The following MDGA2 variants were observed in gnomAD, a reference collection of about 807,000 sequenced individuals.
MDGA2 encodes the protein MAM domain-containing glycosylphosphatidylinositol anchor protein 2.
MDGA2 carries 40 observed loss-of-function variants against 117.8 expected under a neutral mutation model. The ratio of observed to expected loss-of-function variants is 0.34; its 90% CI spans 0.26 to 0.44. The LOEUF (loss-of-function observed/expected upper bound fraction) is 0.44. Among genes scored for constraint, MDGA2 ranks in the 20% least tolerant of loss-of-function variants. The pLI, the probability that MDGA2 is intolerant of heterozygous loss-of-function variation, is 1.00. For missense variants in MDGA2, 1,123 were observed against 1,250.6 expected (o/e 0.90, Z 1.54); for synonymous variants, 452 against 439.0 (o/e 1.03, Z -0.37).
intron 1 of MDGA2, among the ~76,000 whole-genome samples, chr14:47,397,738 T>C (rs1440787665): frequency 1.3e-5 from 2 of 152,164 alleles, no homozygotes; most frequent in Non-Finnish European, 2.9e-5. Context: ...TATAAATACA[T>C]GTAAACACAC....
At chr14:47,340,142 C>T (rs935284648) in intron 1 of MDGA2, among the ~76,000 whole-genome samples, 1 of 152,046 alleles carries the variant, frequency 6.6e-6, no homozygotes, top group Non-Finnish European at 1.5e-5. Flanking sequence ...CTTCCAGAGA[C>T]AATCTTGATA....
chr14:47,392,728 T>C (rs1891924733), intron 1 of MDGA2, among the ~76,000 whole-genome samples: 1 of 152,082 alleles, frequency 6.6e-6, no homozygotes. Flanking sequence ...TTACACTTGC[T>C]GTCCAGAGGT....
chr14:46,962,029 A>T (rs1885832208), intron 8 of MDGA2, among the ~76,000 whole-genome samples: 1 of 152,106 alleles, frequency 6.6e-6, no homozygotes, highest in Non-Finnish European at 1.5e-5. Flanking sequence ...TTCTTGATTA[A>T]TTTTGATCAA....
At chr14:46,944,521 A>G (rs1328893833) in intron 9 of MDGA2, among the ~76,000 whole-genome samples, 2 of 151,974 alleles carry the variant, frequency 1.3e-5, no homozygotes, top group South Asian at 4.1e-4. Context: ...GGAAAATTTC[A>G]GCCATTTTTT....
chr14:47,267,635 G>C (rs1348627266), intron 2 of MDGA2, among the ~76,000 whole-genome samples: 1 of 151,954 alleles, frequency 6.6e-6, no homozygotes, highest in Non-Finnish European at 1.5e-5. Context: ...CTGTTTTATA[G>C]GTTACTTCTA....
At chr14:47,589,153 T>C (rs946332882) in intron 1 of MDGA2, among the ~76,000 whole-genome samples, 1 of 152,004 alleles carries the variant, frequency 6.6e-6, no homozygotes, top group African/African-American at 2.4e-5. Context: ...GCTTTGAAGA[T>C]TCAAATGTCG....
chr14:47,300,392 A>G (rs1889236020), intron 2 of MDGA2, among the ~76,000 whole-genome samples: 1 of 152,240 alleles, frequency 6.6e-6, no homozygotes. Context: ...AATATTCTGC[A>G]TCTAAATTAG....
chr14:46,955,861 C>T (rs1325912656), intron 9 of MDGA2, among the ~76,000 whole-genome samples: 1 of 151,374 alleles, frequency 6.6e-6, no homozygotes. Context: ...ACAGCATTAT[C>T]TTGAAAGATT....
At chr14:47,396,511 T>G (rs900711740) in intron 1 of MDGA2, among the ~76,000 whole-genome samples, 1 of 152,210 alleles carries the variant, frequency 6.6e-6, no homozygotes, top group South Asian at 2.1e-4. Context: ...ACTGAAGAGC[T>G]TCTGCACAAC....
intron 3 of MDGA2, among the ~76,000 whole-genome samples, chr14:47,212,106 A>C (rs1297109918): frequency 2.0e-5 from 3 of 152,184 alleles, no homozygotes; most frequent in African/African-American, 7.2e-5. Flanking sequence ...AGAAAATTGT[A>C]GTGGAAATTA....
chr14:46,984,055 CA>C (rs1180681216), intron 8 of MDGA2, among the ~76,000 whole-genome samples: 1 of 151,926 alleles, frequency 6.6e-6, no homozygotes, highest in East Asian at 1.9e-4. Flanking sequence ...AAAGATACGT[CA>C]AATATTTTAC....
chr14:47,099,424 A>G (rs1483232285), intron 5 of MDGA2, among the ~76,000 whole-genome samples: 1 of 152,010 alleles, frequency 6.6e-6, no homozygotes, highest in Non-Finnish European at 1.5e-5. Context: ...AAAATATTTT[A>G]AGGAAAATAT....
intron 1 of MDGA2, among the ~76,000 whole-genome samples, chr14:47,450,077 TTAAC>T (rs1209626115): frequency 2.0e-5 from 3 of 152,118 alleles, no homozygotes; most frequent in African/African-American, 7.2e-5. Flanking sequence ...TTCATTATAA[TTAAC>T]TAACACATGC....
chr14:47,575,021 A>C (rs1053290884), intron 1 of MDGA2, among the ~76,000 whole-genome samples: 7 of 152,152 alleles, frequency 4.6e-5, no homozygotes, highest in African/African-American at 1.4e-4. Flanking sequence ...GTGTGTATAA[A>C]GTTTATATAG....
At chr14:47,390,244 C>T (rs1009301181) in intron 1 of MDGA2, among the ~76,000 whole-genome samples, 1 of 152,206 alleles carries the variant, frequency 6.6e-6, no homozygotes, top group African/African-American at 2.4e-5. Context: ...TTCCTCTTCT[C>T]TTTGCAATAT....
chr14:47,189,519 T>C (rs1885032947), intron 3 of MDGA2, among the ~76,000 whole-genome samples: 1 of 152,136 alleles, frequency 6.6e-6, no homozygotes, highest in South Asian at 2.1e-4. Context: ...GTCATTTCTA[T>C]TCCTCCTTAA....
At chr14:47,403,191 T>A (rs1892190879) in intron 1 of MDGA2, among the ~76,000 whole-genome samples, 1 of 152,168 alleles carries the variant, frequency 6.6e-6, no homozygotes, top group Admixed American at 6.5e-5. Flanking sequence ...CCCCCAATCC[T>A]ATAAAAGCAC....
intron 1 of MDGA2, among the ~76,000 whole-genome samples, chr14:47,465,078 G>A (rs1201596260): frequency 1.3e-5 from 2 of 152,042 alleles, no homozygotes; most frequent in African/African-American, 2.4e-5. Flanking sequence ...CTTCGACAAA[G>A]CTGACAGAAA....
intron 1 of MDGA2, among the ~76,000 whole-genome samples, chr14:47,511,650 T>A (rs1323884064): frequency 7.9e-5 from 12 of 152,210 alleles, no homozygotes; most frequent in African/African-American, 2.9e-4. Context: ...TATATTTTCC[T>A]GAGTATAAAA....
Sources: allele counts gnomAD v4.1 joint callset (sites outside exome capture counted in the v4.1 genomes callset), GRCh38; gene constraint gnomAD v4.1.1; transcripts MANE v1.5; gene names NCBI Gene and HGNC (gene_info 2026-07-23, HGNC 2026-07-21).